The following SNX25 variants were observed in gnomAD, a reference collection of about 807,000 sequenced individuals.
SNX25 encodes sorting nexin 25.
SNX25 carries 62 observed loss-of-function variants against 113.7 expected under a neutral mutation model. The ratio of observed to expected loss-of-function variants is 0.55; its 90% CI spans 0.44 to 0.67. The LOEUF (loss-of-function observed/expected upper bound fraction) is 0.67. SNX25 is among the 30% of genes least tolerant of loss of function. The pLI is 0.00. For synonymous variants in SNX25, 421 were observed against 436.2 expected, an observed-to-expected ratio of 0.97 and a Z score of 0.43; for missense variants, 1,014 against 1,161.0, an observed-to-expected ratio of 0.87 and a Z score of 1.84.
chr4:185,377,115 A>T, the SNX25 span: 1 of 891,706 alleles, frequency 1.1e-6, no homozygotes. Flanking sequence ...CACTGTTGAC[A>T]TTCTTGCTTT....
At chr4:185,207,398 A>G (rs1175301859), upstream of SNX25, among the ~76,000 whole-genome samples, 1 of 151,638 alleles carries the variant, frequency 6.6e-6, no homozygotes, top group South Asian at 2.1e-4. Flanking sequence ...TTGTATTTTT[A>G]GTAGAGACGG....
At position 185,335,027 on chromosome 4, in the gene SNX25, A is replaced by G. The variant is rs117701856; in HGVS notation, c.1914+2268A>G. Among the ~76,000 whole-genome samples, 942 of 152,244 alleles carry G rather than the reference A, an allele frequency of 6.2e-3. 15 individuals are homozygous for G. The highest frequency in any genetic ancestry group is 0.049 in the South Asian group (237 of 4,822). On this transcript the variant is annotated intron_variant, in intron 10 of 18. Transcript: ENST00000652585. ...GTAAAAAATTAATAATTTTTTTAAA[A>G]ACTTAAGATTGGCCAGGAGTGGTGG...
chr4:185,280,902 A>G (rs748684720), intron 5 of SNX25, among the ~76,000 whole-genome samples: 7 of 152,196 alleles, frequency 4.6e-5, no homozygotes, highest in Non-Finnish European at 7.3e-5. Flanking sequence ...TGGACTCAGT[A>G]TATCTATCTT....
intron 6 of SNX25, among the ~76,000 whole-genome samples, chr4:185,295,329 G>A (rs778892006): frequency 4.6e-5 from 7 of 152,118 alleles, no homozygotes; most frequent in Non-Finnish European, 1.0e-4. Flanking sequence ...TGAACAGATG[G>A]ACGATCCTAG....
intron 1 of SNX25, among the ~76,000 whole-genome samples, chr4:185,229,413 C>T (rs578112862): frequency 8.5e-5 from 13 of 152,256 alleles, no homozygotes; most frequent in East Asian, 7.7e-4. Flanking sequence ...GGTCCAGTTG[C>T]GGTGTGGGTG....
At chr4:185,309,494 C>G (rs934425489) in intron 6 of SNX25, among the ~76,000 whole-genome samples, 4 of 152,228 alleles carry the variant, frequency 2.6e-5, no homozygotes, top group African/African-American at 9.6e-5. Flanking sequence ...GAGTTAGCAT[C>G]TTCCACAAAC....
chr4:185,297,468 G>T (rs971084912), intron 6 of SNX25, among the ~76,000 whole-genome samples: 3 of 152,112 alleles, frequency 2.0e-5, no homozygotes, highest in Non-Finnish European at 4.4e-5. Flanking sequence ...CTCAAAAGTG[G>T]CTCCAAATGA....
intron 13 of SNX25, among the ~76,000 whole-genome samples, chr4:185,347,468 G>C (rs753764047): frequency 1.0e-4 from 15 of 148,448 alleles, no homozygotes; most frequent in African/African-American, 2.9e-4. Flanking sequence ...CTTTTGTTTT[G>C]TTTTGTTTTG....
intron 3 of SNX25, among the ~76,000 whole-genome samples, chr4:185,263,199 G>A (rs1435648552): frequency 6.6e-6 from 1 of 152,098 alleles, no homozygotes; most frequent in Non-Finnish European, 1.5e-5. Context: ...GAGAGATTTT[G>A]ATATTGTTTA....
In SNX25 at chr4:185,303,715, C is replaced by T. The variant is rs201027079; in HGVS notation, c.1163-6920C>T. Reference sequence around the variant, plus strand: ...GGGCACACAGTGGGCACACCCTGGCCGGGCTGCACAAAGTCCATGTGTCTC... The same window carrying T: ...GGGCACACAGTGGGCACACCCTGGCTGGGCTGCACAAAGTCCATGTGTCTC... On this transcript the variant is annotated intron_variant, in intron 6 of 18. Coordinates refer to ENST00000652585, the MANE Select transcript of SNX25 (RefSeq NM_001378034.2). Among the ~76,000 whole-genome samples, 7 of 151,528 alleles carry T rather than the reference C, an allele frequency of 4.6e-5. No homozygotes were observed. In the East Asian group the frequency reaches 9.7e-4, roughly 21 times the overall value.
the SNX25 span, chr4:185,376,921 T>C: frequency 2.5e-6 from 4 of 1,611,160 alleles, no homozygotes; most frequent in East Asian, 8.9e-5. Flanking sequence ...CTTCAAAATA[T>C]AGTTGACCTC....
chr4:185,236,172 G>A (rs893670782), intron 1 of SNX25, among the ~76,000 whole-genome samples: 6 of 152,184 alleles, frequency 3.9e-5, no homozygotes, highest in Non-Finnish European at 7.3e-5. Context: ...GCTGCCTTCA[G>A]CTTTATTCTC....
rs772078327 is a variant in SNX25 at position 185,342,065 on chromosome 4, G to A, written c.2136G>A (p.Thr712=). ...GAGGAGTTGAAACTAAGAACTGGACGGTCCCCAGAAGGCTCAGCGAGTTTC... is the reference window on the plus strand; with the variant it reads ...GAGGAGTTGAAACTAAGAACTGGACAGTCCCCAGAAGGCTCAGCGAGTTTC... The part of the protein sequence containing the change: ...EVGGVETKNW[T]VPRRLSEFQN... The change falls in exon 12 of 19, where the codon ACG becomes ACA. Residue 712 remains threonine (T), a synonymous_variant. Coordinates refer to ENST00000652585, the MANE Select transcript of SNX25 (RefSeq NM_001378034.2). The A allele has an allele frequency of 1.5e-5, 24 of 1,608,446 alleles. No individual in the cohort carries two copies. The highest frequency in any genetic ancestry group is 3.4e-5 in the Admixed American group (2 of 59,202).
At position 185,240,327 on chromosome 4, in the gene SNX25, T is replaced by C. The variant is rs1310979752; in HGVS notation, c.430-6967T>C. Among the ~76,000 whole-genome samples the C allele has an allele frequency of 6.6e-5, 10 of 151,510 alleles. No homozygotes were observed. In the East Asian group the frequency reaches 2.0e-3, roughly 30 times the overall value. ...GTGGCCGGGCAGAGGGGCTCCTCACTTCCCAGTAGGGGCGGCCGGGCAGAG... is the reference window on the plus strand; with the variant it reads ...GTGGCCGGGCAGAGGGGCTCCTCACCTCCCAGTAGGGGCGGCCGGGCAGAG... On this transcript the variant is annotated intron_variant, in intron 1 of 18. Coordinates refer to ENST00000652585, the MANE Select transcript of SNX25 (RefSeq NM_001378034.2).
At chr4:185,366,165 A>G (rs1400820289), downstream of SNX25, 8 of 152,248 alleles carry the variant, frequency 5.3e-5, no homozygotes, top group Admixed American at 3.9e-4. Context: ...AGCCTTGTAC[A>G]ATCTTATGCA....
At chr4:185,378,506 A>T in the SNX25 span, 2 of 1,080,106 alleles carry the variant, frequency 1.9e-6, no homozygotes, top group Non-Finnish European at 2.2e-6. Context: ...CAAGTCACCC[A>T]GCACAAGTGT....
chr4:185,240,204 CTT>C (rs1224208219), intron 1 of SNX25, among the ~76,000 whole-genome samples: 1 of 152,118 alleles, frequency 6.6e-6, no homozygotes, highest in Non-Finnish European at 1.5e-5. Flanking sequence ...ATTTCTCAGT[CTT>C]TTCCCCACCT....
chr4:185,292,322 A>G (rs1435345209), intron 6 of SNX25, among the ~76,000 whole-genome samples: 1 of 152,152 alleles, frequency 6.6e-6, no homozygotes, highest in Admixed American at 6.5e-5. Context: ...GGCTGAGTGT[A>G]GTGACTCTTC....
chr4:185,225,581 T>C (rs1740880919), intron 1 of SNX25, among the ~76,000 whole-genome samples: 1 of 152,222 alleles, frequency 6.6e-6, no homozygotes, highest in Non-Finnish European at 1.5e-5. Context: ...CTGTAATCTA[T>C]GGCTATGAAT....
Sources: gnomAD v4.1 joint callset for allele counts (sites outside exome capture counted in the v4.1 genomes callset) on GRCh38, gnomAD v4.1.1 for gene constraint, MANE v1.5 for transcripts, NCBI Gene and HGNC (gene_info 2026-07-23, HGNC 2026-07-21) for gene names.